Variants in VPS16 observed in about 807,000 individuals in gnomAD.
VPS16 encodes the protein vacuolar protein sorting-associated protein 16 homolog.
Under a neutral mutation model 116.0 loss-of-function variants are expected in VPS16, and 82 were observed. That is an observed-to-expected ratio of 0.71 (90% CI 0.59 to 0.85). The LOEUF is 0.85. Among genes scored for constraint, VPS16 ranks in the 40% least tolerant of loss-of-function variants. The pLI is 0.00. For synonymous variants in VPS16, 406 were observed against 420.7 expected, an observed-to-expected ratio of 0.96 and a Z score of 0.43; for missense variants, 928 against 1,090.6, an observed-to-expected ratio of 0.85 and a Z score of 2.10.
chr20:2,859,943 T>C, intron 2 of VPS16, 111 bp from the exon 3 acceptor site: 3 of 1,512,336 alleles, frequency 2.0e-6, no homozygotes, highest in Non-Finnish European at 2.7e-6. Context: ...TACTTCTGGT[T>C]TTTATAGGCC....
chr20:2,861,998 G>A (rs2089233634), intron 10 of VPS16, 56 bp from the exon 11 acceptor site: 2 of 1,608,800 alleles, frequency 1.2e-6, no homozygotes, highest in South Asian at 2.2e-5. Context: ...AGGGTGTTGA[G>A]GCAGGGCTGA....
Position 2,864,842 on chromosome 20 carries a change from C to A in VPS16, c.1927-136C>A. 2 of 1,246,136 alleles carry A rather than the reference C, an allele frequency of 1.6e-6. No individual in the cohort carries two copies. Among genetic ancestry groups the A allele is most frequent in the Non-Finnish European group, 2.3e-6 (2 of 871,688 alleles). The allele number at this position is 1,246,136 out of a possible 1,614,324, so 77.2% of individuals were successfully genotyped here. On this transcript the variant is annotated intron_variant, in intron 19 of 23. Transcript: ENST00000380445. The surrounding 1 kb of genome is among the most constrained non-coding windows in gnomAD (Gnocchi z 5.2). ...GGAGCTAGCCATCCCTCTAGGACAT[C>A]AGAGTGGTGCACCTAGCAGGCAAGG...
In VPS16 at chr20:2,860,733, T is replaced by G; in HGVS notation, c.515-15T>G. Reference sequence around the variant, plus strand: ...GCCTTGGTCATCCTAACACTGTCCTTTTCCCTGGCCATAGGTCTGCAAAGT... The same window carrying G: ...GCCTTGGTCATCCTAACACTGTCCTGTTCCCTGGCCATAGGTCTGCAAAGT... On this transcript the variant is annotated splice_polypyrimidine_tract_variant and intron_variant, in intron 5 of 23. Transcript: ENST00000380445. This position sits in a 1 kb window ranked among gnomAD's most constrained non-coding sequence, Gnocchi z 6.1. The G allele has an allele frequency of 6.2e-7, 1 of 1,613,728 alleles. No homozygotes were observed. Among genetic ancestry groups the G allele is most frequent in the Non-Finnish European group, 8.5e-7 (1 of 1,180,018 alleles).
intron 1 of VPS16, chr20:2,841,098 G>A: frequency 1.9e-6 from 1 of 516,832 alleles, no homozygotes; most frequent in Non-Finnish European, 3.4e-6. Context: ...CTCGCTGAGG[G>A]AGGCAGCTCG....
Position 2,865,130 on chromosome 20 carries a change from CATT to C in VPS16, c.2005-15_2005-13del, listed in dbSNP as rs2089309845. On this transcript the variant is annotated splice_polypyrimidine_tract_variant and intron_variant, in intron 20 of 23. Coordinates refer to ENST00000380445, the MANE Select transcript of VPS16 (RefSeq NM_022575.4). This position sits in a 1 kb window ranked among gnomAD's most constrained non-coding sequence, Gnocchi z 5.2. ...CTGGTCCCTCATCCCCATCATGCCT[CATT>C]ATCCGGGTCCCCAGGCTACAGAGGA... is the stretch of plus-strand genomic sequence containing the variant. 6.2e-7 allele frequency: 1 copy of C among 1,614,174 alleles called. No individual in the cohort carries two copies. The highest frequency in any genetic ancestry group is 2.2e-5 in the East Asian group (1 of 44,892).
chr20:2,857,697 TTTTA>T (rs1236097273), intron 1 of VPS16, among the ~76,000 whole-genome samples: 1 of 151,306 alleles, frequency 6.6e-6, no homozygotes, highest in Non-Finnish European at 1.5e-5. Flanking sequence ...TTTATTTTAA[TTTTA>T]TTTATTTGTT....
At chr20:2,840,877 G>A (rs1250393028) in intron 1 of VPS16, 50 bp downstream of exon 1, 28 of 1,186,988 alleles carry the variant, frequency 2.4e-5, no homozygotes, top group East Asian at 6.7e-5. Flanking sequence ...CTGCTCGCCC[G>A]CCGGCTGGAG....
rs1296341533 is a variant in VPS16, at chr20:2,859,775, T to G, written c.110T>G (p.Leu37Arg). 2 of 1,613,350 alleles carry G rather than the reference T, an allele frequency of 1.2e-6. No individual in the cohort carries two copies. ...WDLKEELRDCLVAAAPYGGPI... is the reference protein window; with the variant it reads ...WDLKEELRDCRVAAAPYGGPI... ...CTGAAGGAGGAACTCAGGGATTGCC[T>G]GGTGGCTGCTGCACCCTATGGGGGC... Residue 37 changes from leucine (L) to arginine (R), a missense_variant, in exon 2 of 24, where the codon CTG (leucine) becomes CGG (arginine). Leu to Arg is a moderately radical substitution (Grantham distance 102). Transcript: ENST00000380445.
intron 1 of VPS16, among the ~76,000 whole-genome samples, chr20:2,841,763 A>AT (rs11483882): frequency 0.067 from 9,673 of 143,340 alleles, 644 homozygotes; most frequent in African/African-American, 0.16. Flanking sequence ...GGCTGAAAGC[A>AT]TTTTTTTTTT....
chr20:2,841,936 C>T (rs6051429), intron 1 of VPS16, among the ~76,000 whole-genome samples: 10 of 151,968 alleles, frequency 6.6e-5, no homozygotes, highest in African/African-American at 2.4e-4. Flanking sequence ...GTATTTTTTG[C>T]TAGAGGTGAG....
At position 2,863,440 on chromosome 20, in the gene VPS16, C is replaced by T. The variant is rs777929364; in HGVS notation, c.1476+42C>T. On this transcript the variant is annotated intron_variant, in intron 15 of 23. Coordinates refer to ENST00000380445, the MANE Select transcript of VPS16 (RefSeq NM_022575.4). The surrounding 1 kb of genome is among the most constrained non-coding windows in gnomAD (Gnocchi z 4.4). ...GGGTCCAAGGGCATTTAGAGGATTC[C>T]AGGCCCTGGTGAGGTGGAGGAAATA... The T allele has an allele frequency of 6.9e-6, 11 of 1,592,840 alleles. No homozygotes were observed. In the Middle Eastern group the frequency reaches 8.3e-4, roughly 120 times the overall value.
intron 2 of VPS16, 64 bp downstream of exon 2, chr20:2,859,871 C>G: frequency 6.5e-7 from 1 of 1,548,246 alleles, no homozygotes; most frequent in Non-Finnish European, 8.8e-7. Context: ...TCCTTGATTC[C>G]TGGGGCCCTG....
Position 2,864,277 on chromosome 20 carries a change from C to A in VPS16, c.1710C>A (p.Asp570Glu). 6.2e-7 allele frequency: 1 copy of A among 1,614,170 alleles called. No individual in the cohort carries two copies. The highest frequency in any genetic ancestry group is 1.3e-5 in the African/African-American group (1 of 75,046). The change falls in exon 17 of 24, where the codon GAC (aspartate) becomes GAA (glutamate). Residue 570 changes from aspartate to glutamate, a missense_variant. Coordinates refer to ENST00000380445, the MANE Select transcript of VPS16 (RefSeq NM_022575.4). This position sits in a 1 kb window ranked among gnomAD's most constrained non-coding sequence, Gnocchi z 5.2. Reference sequence around the variant, plus strand: ...TAAGCAAGGCCATCGAGAGCGGGGACACTGACCTGGGTGAGGGCAAGGCTG... The same window carrying A: ...TAAGCAAGGCCATCGAGAGCGGGGAAACTGACCTGGGTGAGGGCAAGGCTG... ...LALSKAIESG[D>E]TDLVFTVLLH...
rs2089215497 is a variant in VPS16, at chr20:2,860,488, C to A, written c.409C>A (p.His137Asn). The change falls in exon 5 of 24, where the codon CAC becomes AAC. Residue 137 changes from histidine to asparagine, a missense_variant. His to Asn is a moderately conservative substitution (Grantham distance 68, BLOSUM62 1). Transcript: ENST00000380445. The surrounding 1 kb of genome is among the most constrained non-coding windows in gnomAD (Gnocchi z 6.1). ...QNRVLDARIF[H>N]TEFGSGVAIL... is the part of the protein sequence containing the mutation. ...CCGGGTTCTGGATGCCCGGATCTTTCACACTGAGTTTGGTTCCGGAGTGGC... is the reference window on the plus strand; with the variant it reads ...CCGGGTTCTGGATGCCCGGATCTTTAACACTGAGTTTGGTTCCGGAGTGGC... 1 of 1,614,080 alleles carries A rather than the reference C, an allele frequency of 6.2e-7. No homozygotes were observed. The highest frequency in any genetic ancestry group is 8.5e-7 in the Non-Finnish European group (1 of 1,180,016).
At position 2,860,489 on chromosome 20, in the gene VPS16, A is replaced by G; in HGVS notation, c.410A>G (p.His137Arg). 6.2e-7 allele frequency: 1 copy of G among 1,613,994 alleles called. No homozygotes were observed. The highest frequency in any genetic ancestry group is 8.5e-7 in the Non-Finnish European group (1 of 1,179,996). ...CGGGTTCTGGATGCCCGGATCTTTC[A>G]CACTGAGTTTGGTTCCGGAGTGGCC... ...QNRVLDARIF[H>R]TEFGSGVAIL... The change falls in exon 5 of 24, where the codon CAC becomes CGC. Residue 137 changes from histidine to arginine, a missense_variant. Physicochemically the swap from His to Arg is conservative, Grantham distance 29. Transcript: ENST00000380445. The surrounding 1 kb of genome is among the most constrained non-coding windows in gnomAD (Gnocchi z 6.1).
intron 1 of VPS16, among the ~76,000 whole-genome samples, chr20:2,856,200 G>C (rs1305274185): frequency 6.6e-6 from 1 of 152,228 alleles, no homozygotes; most frequent in Non-Finnish European, 1.5e-5. Context: ...CCTGAAGAGA[G>C]AGAGAGAGAG....
intron 1 of VPS16, among the ~76,000 whole-genome samples, chr20:2,844,941 G>A (rs1251683786): frequency 1.4e-5 from 2 of 145,280 alleles, no homozygotes; most frequent in African/African-American, 5.1e-5. Context: ...ACCGTTATCT[G>A]AAGAACGATG....
At chr20:2,850,892 A>T (rs2089112217) in intron 1 of VPS16, among the ~76,000 whole-genome samples, 1 of 148,132 alleles carries the variant, frequency 6.8e-6, no homozygotes, top group Non-Finnish European at 1.5e-5. Context: ...GAGTCACCTG[A>T]GCCCTGGGAG....
At position 2,863,469 on chromosome 20, in the gene VPS16, A is replaced by G; in HGVS notation, c.1476+71A>G. 6.6e-7 allele frequency: 1 copy of G among 1,504,154 alleles called. No homozygotes were observed. The highest frequency in any genetic ancestry group is 9.2e-7 in the Non-Finnish European group (1 of 1,083,612). 93.2% of individuals were successfully genotyped at this position (1,504,154 alleles called of 1,614,324 possible). On this transcript the variant is annotated intron_variant, in intron 15 of 23. Transcript: ENST00000380445. The surrounding 1 kb of genome is among the most constrained non-coding windows in gnomAD (Gnocchi z 4.4). ...CCCTGGTGAGGTGGAGGAAATAGAA[A>G]GTGTAGAACTGCGCTGGGCACGGTG...
Sources: gnomAD v4.1 joint callset for allele counts (sites outside exome capture counted in the v4.1 genomes callset) on GRCh38, gnomAD v4.1.1 for gene constraint, Gnocchi (gnomAD v3.1) non-coding constraint, MANE v1.5 for transcripts, NCBI Gene and HGNC (gene_info 2026-07-23, HGNC 2026-07-21) for gene names.